The following DCP1B variants were observed in gnomAD, a reference collection of about 807,000 sequenced individuals.
DCP1B encodes the protein decapping mRNA 1B, also known as mRNA-decapping enzyme 1B.
DCP1B carries 47 observed loss-of-function variants against 60.5 expected under a neutral mutation model. The ratio of observed to expected loss-of-function variants is 0.78; its 90% CI spans 0.61 to 0.99. DCP1B has a LOEUF of 0.99. DCP1B is among the 50% of genes least tolerant of loss of function. The pLI, the probability that DCP1B is intolerant of heterozygous loss-of-function variation, is 0.00. For missense variants in DCP1B, 725 were observed against 756.8 expected, an observed-to-expected ratio of 0.96 and a Z score of 0.49; for synonymous variants, 267 against 280.3, an observed-to-expected ratio of 0.95 and a Z score of 0.47.
At chr12:1,950,304 G>A (rs1422702937) in intron 7 of DCP1B, 2 of 702,356 alleles carry the variant, frequency 2.8e-6, no homozygotes, top group South Asian at 1.5e-5. Context: ...CGGAGGTGGA[G>A]TCAAGCATTC....
intron 5 of DCP1B, among the ~76,000 whole-genome samples, chr12:1,956,838 G>A (rs547384743): frequency 6.6e-6 from 1 of 152,256 alleles, no homozygotes; most frequent in African/African-American, 2.4e-5. Flanking sequence ...TTTGAATGAC[G>A]CTTTCTGTAT....
chr12:1,941,983 A>T (rs1481168492), downstream of DCP1B, among the ~76,000 whole-genome samples: 2 of 152,224 alleles, frequency 1.3e-5, no homozygotes, highest in Non-Finnish European at 2.9e-5. Context: ...CAATTAAAAG[A>T]CACAGAGTGG....
intron 3 of DCP1B, among the ~76,000 whole-genome samples, chr12:1,973,330 T>C (rs958888352): frequency 5.9e-5 from 9 of 152,272 alleles, no homozygotes; most frequent in African/African-American, 1.9e-4. Flanking sequence ...CTCATGAACA[T>C]TTTGGGGGAA....
chr12:1,949,916 C>G (rs950847289), intron 7 of DCP1B: 1 of 193,022 alleles, frequency 5.2e-6, no homozygotes, highest in African/African-American at 2.3e-5. Context: ...TTGGGCTGAC[C>G]CGGGCGGCCT....
At chr12:1,964,391 A>G (rs2031226011) in intron 5 of DCP1B, among the ~76,000 whole-genome samples, 1 of 151,926 alleles carries the variant, frequency 6.6e-6, no homozygotes, top group Admixed American at 6.6e-5. Context: ...TTGTTTTTGT[A>G]TCTTTCTATT....
chr12:1,958,377 G>T lies in DCP1B; in HGVS notation c.523-2817C>A, dbSNP rs183035068. Among the ~76,000 whole-genome samples the T allele has an allele frequency of 3.2e-3, 450 of 141,026 alleles. 2 individuals are homozygous for T. The highest frequency in any genetic ancestry group is 0.011 in the African/African-American group (423 of 37,528). The allele number at this position is 141,026 out of a possible 152,430, so 92.5% of individuals were successfully genotyped here. On this transcript the variant is annotated intron_variant, in intron 5 of 8. Transcript: ENST00000280665. ...ATAAACCTCCTGGAAGAAGACAGGG[G>T]AAAAGCTCCCTAACGTCGCTCTGGG...
At chr12:2,004,140 A>C in intron 1 of DCP1B, 142 bp downstream of exon 1, 1 of 1,221,640 alleles carries the variant, frequency 8.2e-7, no homozygotes, top group South Asian at 1.4e-5. Flanking sequence ...CATCTCCACA[A>C]CTTCGGCCTC....
chr12:1,986,721 T>C (rs903693625), intron 3 of DCP1B, among the ~76,000 whole-genome samples: 2 of 152,120 alleles, frequency 1.3e-5, no homozygotes, highest in African/African-American at 4.8e-5. Flanking sequence ...CAAAGCCAGT[T>C]GATAAAAGAG....
At chr12:1,978,997 A>G (rs1004773073) in intron 3 of DCP1B, among the ~76,000 whole-genome samples, 4 of 152,178 alleles carry the variant, frequency 2.6e-5, no homozygotes, top group Non-Finnish European at 5.9e-5. Flanking sequence ...TGCTTTGAGC[A>G]TTTGTGTAAA....
intron 3 of DCP1B, among the ~76,000 whole-genome samples, chr12:1,974,702 A>G (rs888381332): frequency 6.6e-6 from 1 of 152,156 alleles, no homozygotes; most frequent in African/African-American, 2.4e-5. Context: ...GATAATGGCA[A>G]TCCCAAGCTT....
intron 5 of DCP1B, 112 bp from the exon 6 acceptor site, chr12:1,955,672 A>G (rs2030860083): frequency 3.3e-6 from 4 of 1,217,940 alleles, no homozygotes; most frequent in Non-Finnish European, 4.5e-6. Flanking sequence ...TTTTTGATAG[A>G]TTTTCATGCA....
In DCP1B at chr12:1,952,790, G is replaced by A. The variant is rs145371745; in HGVS notation, c.1150C>T (p.Arg384Cys). Residue 384 changes from arginine (R) to cysteine (C), a missense_variant, in exon 7 of 9, where the codon CGC becomes TGC. Coordinates refer to ENST00000280665, the MANE Select transcript of DCP1B (RefSeq NM_152640.5). ...GTGACAGAAGTGGGAGCTCTGCTGC[G>A]GTTCAGGGCAGCTGAGCTGGCAGGT... ...PAPASSAALN[R>C]SRAPTSVTPV... The A allele has an allele frequency of 1.2e-3, 1,886 of 1,614,150 alleles. 22 individuals carry two copies. In the East Asian group the frequency reaches 0.015, roughly 13 times the overall value.
intron 3 of DCP1B, among the ~76,000 whole-genome samples, chr12:1,979,325 T>A (rs1394130220): frequency 1.3e-5 from 2 of 149,724 alleles, no homozygotes; most frequent in Non-Finnish European, 3.0e-5. Flanking sequence ...TTTTGTTTGT[T>A]TGTCTTTGAG....
chr12:1,988,824 T>C (rs769909937), intron 3 of DCP1B, among the ~76,000 whole-genome samples: 2 of 152,226 alleles, frequency 1.3e-5, no homozygotes, highest in Non-Finnish European at 2.9e-5. Context: ...ATAGCAGTTT[T>C]TCCCAGATCC....
intron 3 of DCP1B, among the ~76,000 whole-genome samples, chr12:1,972,345 T>C (rs939013003): frequency 1.3e-5 from 2 of 152,256 alleles, no homozygotes; most frequent in East Asian, 1.9e-4. Flanking sequence ...CATTCAAATA[T>C]AATGTTTCTT....
chr12:1,979,682 G>C (rs1235759728), intron 3 of DCP1B, among the ~76,000 whole-genome samples: 5 of 152,236 alleles, frequency 3.3e-5, no homozygotes, highest in African/African-American at 9.6e-5. Context: ...TTAAGTTTAT[G>C]AGAAATTGCC....
In DCP1B at chr12:1,993,355, AT is replaced by A; in HGVS notation, c.227del (p.Asn76IlefsTer3). 3 of 1,613,998 alleles carry A rather than the reference AT, an allele frequency of 1.9e-6. No homozygotes were observed. The highest frequency in any genetic ancestry group is 2.5e-6 in the Non-Finnish European group (3 of 1,179,874). On this transcript the variant is annotated frameshift_variant, in exon 3 of 9. Transcript: ENST00000280665. LOFTEE classifies it high-confidence loss of function. ...ASPKHGFTIMNRLSMENRTEP... is the reference protein window; with the variant it reads ...ASPKHGFTIMXRLSMENRTEP... ...CTGTCCTATTTTCCATGCTCAGCCT[AT>A]TCATAATGGTGAATCCATGCTTTGG... is the stretch of plus-strand genomic sequence containing the variant.
At chr12:1,976,285 A>C (rs2034333836) in intron 3 of DCP1B, among the ~76,000 whole-genome samples, 1 of 152,220 alleles carries the variant, frequency 6.6e-6, no homozygotes. Flanking sequence ...TAAATAGATC[A>C]ATTTTTCAGT....
intron 3 of DCP1B, among the ~76,000 whole-genome samples, chr12:1,975,086 G>A (rs1040460074): frequency 2.6e-5 from 4 of 152,094 alleles, no homozygotes; most frequent in Admixed American, 1.3e-4. Flanking sequence ...TCTAGCCAAA[G>A]GAGCCTAGTG....
Sources: gnomAD v4.1 joint callset for allele counts (sites outside exome capture counted in the v4.1 genomes callset) on GRCh38, gnomAD v4.1.1 for gene constraint, MANE v1.5 for transcripts, NCBI Gene and HGNC (gene_info 2026-07-23, HGNC 2026-07-21) for gene names.